Variants in SUGCT observed in about 807,000 individuals in gnomAD.
SUGCT encodes the protein succinyl-CoA:glutarate CoA-transferase.
SUGCT carries 41 observed loss-of-function variants against 55.0 expected under a neutral mutation model. The ratio of observed to expected loss-of-function variants is 0.74; its 90% CI spans 0.58 to 0.97. The LOEUF (loss-of-function observed/expected upper bound fraction) is 0.97, where lower values mean the gene tolerates loss of function less well. Among genes scored for constraint, SUGCT ranks in the 50% least tolerant of loss-of-function variants. The probability of loss-of-function intolerance (pLI) is 0.00; values close to 1 mark genes in which losing one functional copy is unlikely to be tolerated. For missense variants in SUGCT, 568 were observed against 547.8 expected (o/e 1.04, Z -0.37); for synonymous variants, 187 against 200.4 (o/e 0.93, Z 0.56).
chr7:40,397,234 G>A (rs980817023), intron 9 of SUGCT, among the ~76,000 whole-genome samples: 1 of 152,064 alleles, frequency 6.6e-6, no homozygotes, highest in African/African-American at 2.4e-5. Flanking sequence ...TTGGAACTTT[G>A]CTTATAATAT....
At chr7:40,546,064 C>T (rs1794972902) in intron 12 of SUGCT, among the ~76,000 whole-genome samples, 1 of 152,026 alleles carries the variant, frequency 6.6e-6, no homozygotes, top group African/African-American at 2.4e-5. Flanking sequence ...ATGTCTTTCA[C>T]CTTTGACATG....
At chr7:40,714,399 C>T (rs1054377521) in intron 12 of SUGCT, among the ~76,000 whole-genome samples, 12 of 152,076 alleles carry the variant, frequency 7.9e-5, no homozygotes, top group Non-Finnish European at 1.3e-4. Context: ...ATCCCCCACC[C>T]AAATTCAAAA....
At chr7:40,308,635 A>G (rs188959402) in intron 8 of SUGCT, among the ~76,000 whole-genome samples, 170 of 152,226 alleles carry the variant, frequency 1.1e-3, no homozygotes, top group Non-Finnish European at 1.9e-3. Context: ...TCCAACTCCA[A>G]TGGCTCTCTT....
intron 9 of SUGCT, among the ~76,000 whole-genome samples, chr7:40,385,976 A>C (rs1785103756): frequency 6.6e-6 from 1 of 152,246 alleles, no homozygotes; most frequent in South Asian, 2.1e-4. Flanking sequence ...TTATAAATAA[A>C]ATAGCTTAAA....
the SUGCT span, chr7:40,968,090 C>T: frequency 6.6e-6 from 1 of 152,088 alleles, no homozygotes; most frequent in Admixed American, 6.6e-5. Context: ...AAATGAAAAA[C>T]ATACTCATTG....
At chr7:40,432,447 G>A (rs1787939739) in intron 9 of SUGCT, among the ~76,000 whole-genome samples, 1 of 152,058 alleles carries the variant, frequency 6.6e-6, no homozygotes, top group Admixed American at 6.6e-5. Flanking sequence ...CAGCACTTTG[G>A]GAGGCCGAGG....
intron 12 of SUGCT, among the ~76,000 whole-genome samples, chr7:40,654,940 A>G (rs1367441714): frequency 1.3e-5 from 2 of 152,344 alleles, no homozygotes; most frequent in East Asian, 3.9e-4. Context: ...CATGAAATAT[A>G]TTATAAACCT....
At chr7:40,199,045 G>T (rs554943660) in intron 6 of SUGCT, among the ~76,000 whole-genome samples, 19 of 147,376 alleles carry the variant, frequency 1.3e-4, no homozygotes, top group South Asian at 2.2e-4. Flanking sequence ...GTGTGTGTGT[G>T]TTTTTTTTTT....
chr7:40,980,367 C>T, the SUGCT span, among the ~76,000 whole-genome samples: 1 of 152,026 alleles, frequency 6.6e-6, no homozygotes, highest in South Asian at 2.1e-4. Flanking sequence ...ATCCCTTTTG[C>T]CCCCCCAAAT....
chr7:41,002,675 G>A, the SUGCT span, among the ~76,000 whole-genome samples: 1 of 152,270 alleles, frequency 6.6e-6, no homozygotes, highest in African/African-American at 2.4e-5. Context: ...AGTCTTGGCC[G>A]CTATTATGAA....
At chr7:40,182,061 C>T (rs1260066922) in intron 3 of SUGCT, 33 bp downstream of exon 3, 2 of 1,229,930 alleles carry the variant, frequency 1.6e-6, no homozygotes, top group Admixed American at 2.1e-5. Context: ...AAAATAGAAA[C>T]AAGCTAATAA....
At chr7:40,383,985 T>C (rs1784995117) in intron 9 of SUGCT, among the ~76,000 whole-genome samples, 1 of 152,196 alleles carries the variant, frequency 6.6e-6, no homozygotes, top group Admixed American at 6.5e-5. Context: ...CTCAGTCCTT[T>C]GGATGTTAAT....
At position 40,786,628 on chromosome 7, in the gene SUGCT, G is replaced by T. The variant is rs549846816; in HGVS notation, c.1153+37131G>T. ...CAATTATCTGTGGAAATAACCAAAA[G>T]AAAAATATAATTAATTTCTATAATA... On this transcript the variant is annotated intron_variant, in intron 13 of 13. Coordinates refer to ENST00000335693, the MANE Select transcript of SUGCT (RefSeq NM_001193313.2). Among the ~76,000 whole-genome samples, 3 of 152,150 alleles carry T rather than the reference G, an allele frequency of 2.0e-5. No homozygotes were observed. The South Asian group carries it at 6.2e-4, about 32-fold the overall frequency.
chr7:40,540,220 A>C (rs1245896869), intron 12 of SUGCT, among the ~76,000 whole-genome samples: 1 of 152,220 alleles, frequency 6.6e-6, no homozygotes, highest in Non-Finnish European at 1.5e-5. Flanking sequence ...TAATCTTGAT[A>C]ATATGGAATA....
the SUGCT span, among the ~76,000 whole-genome samples, chr7:40,959,941 C>T: frequency 6.6e-6 from 1 of 152,158 alleles, no homozygotes; most frequent in Admixed American, 6.5e-5. Context: ...TTCCCTGACC[C>T]CTTGTGCTCT....
At chr7:40,289,049 T>C (rs1238573937) in intron 8 of SUGCT, among the ~76,000 whole-genome samples, 3 of 152,224 alleles carry the variant, frequency 2.0e-5, no homozygotes, top group Non-Finnish European at 4.4e-5. Flanking sequence ...CCTTCCGTAT[T>C]ATCACCTGTG....
At chr7:40,631,542 G>T (rs371802373) in intron 12 of SUGCT, among the ~76,000 whole-genome samples, 1 of 152,202 alleles carries the variant, frequency 6.6e-6, no homozygotes, top group Non-Finnish European at 1.5e-5. Context: ...CTGAAATCCC[G>T]TGCCTGGATT....
At chr7:40,461,910 G>T (rs1375473516) in intron 11 of SUGCT, among the ~76,000 whole-genome samples, 1 of 152,206 alleles carries the variant, frequency 6.6e-6, no homozygotes, top group Non-Finnish European at 1.5e-5. Flanking sequence ...ATAGTGAATA[G>T]TTAGAAATGG....
intron 8 of SUGCT, among the ~76,000 whole-genome samples, chr7:40,276,196 A>C (rs1405242133): frequency 1.3e-5 from 2 of 152,244 alleles, no homozygotes; most frequent in African/African-American, 4.8e-5. Flanking sequence ...GTTTCTATAA[A>C]AAGGTAAAAG....
Sources: gnomAD v4.1 joint callset for allele counts (sites outside exome capture counted in the v4.1 genomes callset) on GRCh38, gnomAD v4.1.1 for gene constraint, MANE v1.5 for transcripts, NCBI Gene and HGNC (gene_info 2026-07-23, HGNC 2026-07-21) for gene names.